AK3: variants seen among roughly 807,000 people sequenced by gnomAD.
AK3 encodes GTP:AMP phosphotransferase AK3, mitochondrial.
A neutral mutation model predicts 23.7 loss-of-function variants in AK3; 27 were observed. That is an observed-to-expected ratio of 1.14 (90% confidence interval 0.84 to 1.57). The LOEUF (loss-of-function observed/expected upper bound fraction) is 1.57, where lower values mean the gene tolerates loss of function less well. AK3 is among the 40% of genes most tolerant of loss of function. AK3 has a pLI of 0.00. For missense variants in AK3, 406 were observed against 285.6 expected, an observed-to-expected ratio of 1.42 and a Z score of -3.04; for synonymous variants, 159 against 116.0, an observed-to-expected ratio of 1.37 and a Z score of -2.38.
upstream of AK3, chr9:4,741,225 A>G: frequency 9.7e-7 from 1 of 1,035,886 alleles, no homozygotes; most frequent in Non-Finnish European, 1.3e-6. Context: ...CGTTCCCGGA[A>G]GTGAGCCGAC....
Position 4,740,984 on chromosome 9 carries a change from T to C in AK3, c.104A>G (p.His35Arg). 1 of 1,590,346 alleles carries C rather than the reference T, an allele frequency of 6.3e-7. No homozygotes were observed. The highest frequency in any genetic ancestry group is 1.1e-5 in the South Asian group (1 of 87,878). ...SRITTHFELK[H>R]LSSGDLLRDN... ...CCGGAGCAGGTCCCCGCTGGAGAGG[T>C]GCTTCAGCTCGAAGTGTGTAGTGAT... Residue 35 changes from histidine to arginine, a missense_variant, in exon 1 of 5, where the codon CAC becomes CGC. Physicochemically the swap from His to Arg is conservative, Grantham distance 29. Transcript: ENST00000381809.
chr9:4,727,560 G>C (rs1055074313), intron 1 of AK3, among the ~76,000 whole-genome samples: 11 of 152,164 alleles, frequency 7.2e-5, no homozygotes, highest in African/African-American at 2.7e-4. Context: ...CCTTGCTCTG[G>C]ACTGGGCTTT....
chr9:4,709,893 C>T lies in AK3; in HGVS notation c.*3083G>A, dbSNP rs1841505808. ...AAATACAAATTCTTGCTGTTGGTTGCAACTATAGCAATTTAACATAATTTG... is the reference window on the plus strand; with the variant it reads ...AAATACAAATTCTTGCTGTTGGTTGTAACTATAGCAATTTAACATAATTTG... On this transcript the variant is annotated 3_prime_UTR_variant, in exon 5 of 5. Transcript: ENST00000381809. 6.6e-6 allele frequency: 1 copy of T among 151,930 alleles called. No homozygotes were observed. Among genetic ancestry groups the T allele is most frequent in the South Asian group, 2.1e-4 (1 of 4,814 alleles). 9.4% of individuals were successfully genotyped at this position (151,930 alleles called of 1,614,324 possible). A position where few individuals can be genotyped will look rare whatever the true frequency, so the allele number is the denominator to read the frequency against.
chr9:4,735,952 T>C (rs1390799654), intron 1 of AK3, among the ~76,000 whole-genome samples: 1 of 151,310 alleles, frequency 6.6e-6, no homozygotes, highest in Non-Finnish European at 1.5e-5. Context: ...CCATCTCTAC[T>C]AAAAATACAA....
chr9:4,722,743 T>A (rs1841934069), intron 1 of AK3, 118 bp from the exon 2 acceptor site: 2 of 1,430,838 alleles, frequency 1.4e-6, no homozygotes, highest in Non-Finnish European at 9.5e-7. Context: ...AAAATGTGCA[T>A]CATCAACTTT....
intron 1 of AK3, among the ~76,000 whole-genome samples, chr9:4,729,523 G>A (rs561118246): frequency 5.3e-5 from 8 of 151,958 alleles, no homozygotes; most frequent in Admixed American, 2.0e-4. Context: ...TCCTCCCCTC[G>A]CTATATGCCC....
intron 1 of AK3, among the ~76,000 whole-genome samples, chr9:4,736,102 G>A (rs1414376351): frequency 6.3e-5 from 9 of 142,242 alleles, no homozygotes; most frequent in African/African-American, 1.0e-4. Flanking sequence ...GCAACAGAGC[G>A]AGACTCCATC....
intron 2 of AK3, among the ~76,000 whole-genome samples, chr9:4,719,650 G>C (rs1323251324): frequency 2.0e-5 from 3 of 152,168 alleles, no homozygotes; most frequent in African/African-American, 7.2e-5. Flanking sequence ...TTTAAGGCCT[G>C]AGTAGAACAA....
At chr9:4,735,051 T>C (rs1241122737) in intron 1 of AK3, among the ~76,000 whole-genome samples, 2 of 151,596 alleles carry the variant, frequency 1.3e-5, no homozygotes, top group Non-Finnish European at 1.5e-5. Context: ...AAGTTTCTTT[T>C]ATGGGGTGAT....
rs559398515 is a variant in AK3, at chr9:4,714,273, C to G, written c.564-1177G>C. Among the ~76,000 whole-genome samples the G allele has an allele frequency of 2.6e-5, 4 of 151,898 alleles. 1 individual carries two copies. Among genetic ancestry groups the G allele is most frequent in the Non-Finnish European group, 5.9e-5 (4 of 68,006 alleles). ...AGACTGCATAAGGACAACCTAAGAACTCTGGTTTATGACTTTGTGAAAAGA... is the reference window on the plus strand; with the variant it reads ...AGACTGCATAAGGACAACCTAAGAAGTCTGGTTTATGACTTTGTGAAAAGA... On this transcript the variant is annotated intron_variant, in intron 4 of 4. Transcript: ENST00000381809.
upstream of AK3, among the ~76,000 whole-genome samples, chr9:4,741,492 A>C (rs1241342765): frequency 1.4e-5 from 2 of 142,962 alleles, no homozygotes; most frequent in East Asian, 2.2e-4. Context: ...CACTCGGCTC[A>C]GATCTACCTC....
At chr9:4,740,361 G>A (rs1842399645) in intron 1 of AK3, among the ~76,000 whole-genome samples, 1 of 152,134 alleles carries the variant, frequency 6.6e-6, no homozygotes, top group Non-Finnish European at 1.5e-5. Context: ...CACAAGAATA[G>A]CCTTCGTGTC....
At chr9:4,716,952 A>G (rs1370944029) in intron 4 of AK3, among the ~76,000 whole-genome samples, 1 of 152,180 alleles carries the variant, frequency 6.6e-6, no homozygotes, top group African/African-American at 2.4e-5. Flanking sequence ...AATAAATAAC[A>G]GTTTGGAAAC....
chr9:4,734,337 G>C (rs1842221112), intron 1 of AK3, among the ~76,000 whole-genome samples: 1 of 79,710 alleles, frequency 1.3e-5, no homozygotes, highest in African/African-American at 3.9e-5. Context: ...CTAGTGTGTG[G>C]TATTGTGTTA....
chr9:4,739,188 C>T (rs1842365496), intron 1 of AK3, among the ~76,000 whole-genome samples: 1 of 151,912 alleles, frequency 6.6e-6, no homozygotes, highest in Non-Finnish European at 1.5e-5. Context: ...GCAAGTCAAA[C>T]AATCTCTGTT....
intron 1 of AK3, among the ~76,000 whole-genome samples, chr9:4,728,856 T>TAC (rs1236773024): frequency 8.0e-4 from 49 of 60,880 alleles, no homozygotes; most frequent in South Asian, 2.9e-3. Flanking sequence ...TATATATATA[T>TAC]ATATATATAT....
At chr9:4,718,941 A>T (rs980597366) in intron 3 of AK3, among the ~76,000 whole-genome samples, 194 bp downstream of exon 3, 2 of 152,208 alleles carry the variant, frequency 1.3e-5, no homozygotes, top group Non-Finnish European at 2.9e-5. Context: ...ATGAGTAACA[A>T]ACCCCTGCTG....
At chr9:4,715,091 T>C (rs13292541) in intron 4 of AK3, among the ~76,000 whole-genome samples, 38,440 of 151,508 alleles carry the variant, frequency 0.25, 4,971 homozygotes, top group Middle Eastern at 0.31. Context: ...TGGTGGCACG[T>C]GCCTGTAGTC....
intron 1 of AK3, among the ~76,000 whole-genome samples, chr9:4,739,269 C>T (rs557229386): frequency 6.6e-6 from 1 of 151,898 alleles, no homozygotes; most frequent in African/African-American, 2.4e-5. Flanking sequence ...CGACTCACAG[C>T]AACCTCCGCC....
Sources: allele counts gnomAD v4.1 joint callset (sites outside exome capture counted in the v4.1 genomes callset), GRCh38; gene constraint gnomAD v4.1.1; transcripts MANE v1.5; gene names NCBI Gene and HGNC (gene_info 2026-07-23, HGNC 2026-07-21).